Variants in FASTKD3 observed in about 807,000 individuals in gnomAD.
The protein encoded by FASTKD3 is FAST kinase domain-containing protein 3, mitochondrial.
Under a neutral mutation model 49.7 loss-of-function variants are expected in FASTKD3, and 47 were observed. The ratio of observed to expected loss-of-function variants is 0.95; its 90% CI spans 0.75 to 1.21. FASTKD3 has a LOEUF of 1.21. Ranked by LOEUF, FASTKD3 falls within the 50% of genes most tolerant of loss-of-function variation. The probability of loss-of-function intolerance (pLI) is 0.00; values close to 1 mark genes in which losing one functional copy is unlikely to be tolerated. For missense variants in FASTKD3, 748 were observed against 765.7 expected (o/e 0.98, Z 0.27); for synonymous variants, 284 against 288.6 (o/e 0.98, Z 0.16).
chr5:7,868,477 A>G (rs1200574205), intron 1 of FASTKD3, among the ~76,000 whole-genome samples: 2 of 152,206 alleles, frequency 1.3e-5, no homozygotes, highest in African/African-American at 2.4e-5. Context: ...TGTAGCTCTT[A>G]AGGGTGGCCC....
chr5:7,867,974 A>G lies in FASTKD3; in HGVS notation c.110T>C (p.Val37Ala). Reference protein sequence around the residue: ...NKPLNHVHKVVKERLCPWLCS... With the variant: ...NKPLNHVHKVAKERLCPWLCS... ...CAACCAAGGGCACAGACGCTCCTTG[A>G]CTACCTTGTGAACATGATTTAGAGG... The change falls in exon 2 of 7, where the codon GTC becomes GCC. Residue 37 changes from valine (V) to alanine (A), a missense_variant. Val to Ala is a moderately conservative substitution (Grantham distance 64, BLOSUM62 0). This residue lies in a region of FASTKD3 where 564 missense variants were observed against 562.8 expected (regional missense o/e 1.00). Transcript: ENST00000264669. 1 of 1,614,196 alleles carries G rather than the reference A, an allele frequency of 6.2e-7. No individual in the cohort carries two copies. The highest frequency in any genetic ancestry group is 8.5e-7 in the Non-Finnish European group (1 of 1,180,016).
Position 7,866,848 on chromosome 5 carries a change from C to T in FASTKD3, c.1236G>A (p.Met412Ile), listed in dbSNP as rs1196610776. The change falls in exon 2 of 7, where the codon ATG (methionine) becomes ATA (isoleucine). Residue 412 changes from methionine to isoleucine, a missense_variant. Physicochemically the swap from Met to Ile is conservative, Grantham distance 10. Transcript: ENST00000264669. Reference sequence around the variant, plus strand: ...AATAATTGAGTTTCCCAAATGGTTCCATTAAGGCAGAAATCTGACGAGGTG... The same window carrying T: ...AATAATTGAGTTTCCCAAATGGTTCTATTAAGGCAGAAATCTGACGAGGTG... ...KFSPRQISAL[M>I]EPFGKLNYLP... is the part of the protein sequence containing the mutation. 1 of 1,613,874 alleles carries T rather than the reference C, an allele frequency of 6.2e-7. No individual in the cohort carries two copies. The highest frequency in any genetic ancestry group is 2.2e-5 in the East Asian group (1 of 44,894).
chr5:7,866,271 T>C (rs1304183093), intron 2 of FASTKD3, among the ~76,000 whole-genome samples: 1 of 150,498 alleles, frequency 6.6e-6, no homozygotes, highest in African/African-American at 2.4e-5. Flanking sequence ...AAATTTGACA[T>C]ATTTGGGTGG....
rs772706206 is a variant in FASTKD3 at position 7,866,838 on chromosome 5, C to T, written c.1246G>A (p.Gly416Arg). The T allele has an allele frequency of 1.2e-6, 2 of 1,613,888 alleles. No individual in the cohort carries two copies. Among genetic ancestry groups the T allele is most frequent in the African/African-American group, 1.3e-5 (1 of 74,886 alleles). The change falls in exon 2 of 7, where the codon GGG becomes AGG. Residue 416 changes from glycine (G) to arginine (R), a missense_variant. Coordinates refer to ENST00000264669, the MANE Select transcript of FASTKD3 (RefSeq NM_024091.4). Reference protein sequence around the residue: ...RQISALMEPFGKLNYLPPNAS... With the variant: ...RQISALMEPFRKLNYLPPNAS... Reference sequence around the variant, plus strand: ...TTTGGTGGCAAATAATTGAGTTTCCCAAATGGTTCCATTAAGGCAGAAATC... The same window carrying T: ...TTTGGTGGCAAATAATTGAGTTTCCTAAATGGTTCCATTAAGGCAGAAATC...
chr5:7,859,389 C>A lies in FASTKD3; in HGVS notation c.*46G>T. On this transcript the variant is annotated 3_prime_UTR_variant, in exon 7 of 7. Coordinates refer to ENST00000264669, the MANE Select transcript of FASTKD3 (RefSeq NM_024091.4). ...ATATTTTTCTTTTAATACTGAGTTC[C>A]ATAAAAATGCAAGTTCTTCCATTGT... 1 of 1,238,592 alleles carries A rather than the reference C, an allele frequency of 8.1e-7. No homozygotes were observed. The allele number at this position is 1,238,592 out of a possible 1,614,324, so 76.7% of individuals were successfully genotyped here.
chr5:7,861,696 C>A lies in FASTKD3; in HGVS notation c.1700-44G>T, dbSNP rs377694398. On this transcript the variant is annotated intron_variant, in intron 4 of 6. Coordinates refer to ENST00000264669, the MANE Select transcript of FASTKD3 (RefSeq NM_024091.4). ...AAAAATTCCTCGTGTGATACCCTCACAAACACTATCTTCCTGTATTCATTC... is the reference window on the plus strand; with the variant it reads ...AAAAATTCCTCGTGTGATACCCTCAAAAACACTATCTTCCTGTATTCATTC... 32 of 1,585,044 alleles carry A rather than the reference C, an allele frequency of 2.0e-5. No homozygotes were observed. In the African/African-American group the frequency reaches 2.4e-4, roughly 12 times the overall value.
At chr5:7,868,796 G>A (rs1245236244) in intron 1 of FASTKD3, among the ~76,000 whole-genome samples, 183 bp downstream of exon 1, 3 of 152,234 alleles carry the variant, frequency 2.0e-5, no homozygotes, top group East Asian at 3.9e-4. Context: ...ACAGACAGAC[G>A]GGAGGCCCCG....
In FASTKD3 at chr5:7,868,200, GA is replaced by G. The variant is rs34274545; in HGVS notation, c.-113-5del. The G allele has an allele frequency of 0.12, 26,050 of 220,264 alleles. 1,483 individuals are homozygous for G. Among genetic ancestry groups the G allele is most frequent in the Non-Finnish European group, 0.14 (16,730 of 121,964 alleles). The allele number at this position is 220,264 out of a possible 1,614,324, so 13.6% of individuals were successfully genotyped here. On this transcript the variant is annotated splice_polypyrimidine_tract_variant and splice_region_variant and intron_variant, in intron 1 of 6. Transcript: ENST00000264669. ...TTATGAAACTACAAACGAGTATCTG[GA>G]AAAAAAAAAAAAAAAAAAAAAAGGA...
In FASTKD3 at chr5:7,868,993, C is replaced by A. The variant is rs755480862; in HGVS notation, c.-128G>T. On this transcript the variant is annotated 5_prime_UTR_variant, in exon 1 of 7. Transcript: ENST00000264669. ...TTGACACCTACCGCGCTCTGCCGGG[C>A]AATCACTCCGGGTGGTCGCGGAAGC... 7 of 959,164 alleles carry A rather than the reference C, an allele frequency of 7.3e-6. No individual in the cohort carries two copies. Among genetic ancestry groups the A allele is most frequent in the Non-Finnish European group, 1.2e-5 (7 of 598,092 alleles). The allele number at this position is 959,164 out of a possible 1,614,324, so 59.4% of individuals were successfully genotyped here.
At chr5:7,860,760 A>T (rs958619397) in intron 6 of FASTKD3, among the ~76,000 whole-genome samples, 2 of 152,224 alleles carry the variant, frequency 1.3e-5, no homozygotes, top group African/African-American at 2.4e-5. Flanking sequence ...TAAAGTGCAA[A>T]TGTTAAGCAA....
At chr5:7,866,307 T>C (rs1265540173) in intron 2 of FASTKD3, among the ~76,000 whole-genome samples, 11 of 100,714 alleles carry the variant, frequency 1.1e-4, no homozygotes, top group South Asian at 3.6e-4. Context: ...AATAATACCA[T>C]CCTCTCAAAA....
At chr5:7,866,217 G>A (rs1038419826) in intron 2 of FASTKD3, among the ~76,000 whole-genome samples, 3 of 151,466 alleles carry the variant, frequency 2.0e-5, no homozygotes, top group Non-Finnish European at 4.4e-5. Context: ...GATAAAATAT[G>A]TTCACAGAAT....
chr5:7,865,165 T>C (rs1746852693), intron 3 of FASTKD3, among the ~76,000 whole-genome samples: 2 of 152,192 alleles, frequency 1.3e-5, no homozygotes, highest in African/African-American at 4.8e-5. Flanking sequence ...CTGTATACAT[T>C]TGGGCGTAGA....
rs560390468 is a variant in FASTKD3, at chr5:7,867,520, C to G, written c.564G>C (p.Leu188Phe). 55 of 1,614,118 alleles carry G rather than the reference C, an allele frequency of 3.4e-5. No homozygotes were observed. The highest frequency in any genetic ancestry group is 6.7e-5 in the African/African-American group (5 of 74,946). ...ACAGGCTACTTTGAGGATCCACATG[C>G]AACAGAATCAGAGCTTGCAAAGCAG... ...LVTALQALIL[L>F]HVDPQSSLLL... The change falls in exon 2 of 7, where the codon TTG (leucine) becomes TTC (phenylalanine). Residue 188 changes from leucine (L) to phenylalanine (F), a missense_variant. Leu to Phe is a conservative substitution (Grantham distance 22). Around this residue, in one of 3 missense-constraint regions of FASTKD3, gnomAD observed 564 missense variants for 562.8 expected, o/e 1.00. Transcript: ENST00000264669.
intron 4 of FASTKD3, chr5:7,861,887 G>A: frequency 1.4e-6 from 1 of 692,216 alleles, no homozygotes; most frequent in South Asian, 3.9e-5. Context: ...ACCACAGAAT[G>A]GGTTCTGAAG....
rs1364160208 is a variant in FASTKD3 at position 7,861,579 on chromosome 5, G to T, written c.1769+4C>A. Reference sequence around the variant, plus strand: ...AATGTGAAAAACACAACATTTTCCTGTACCTTTTATGGATATCTTCATTAG... The same window carrying T: ...AATGTGAAAAACACAACATTTTCCTTTACCTTTTATGGATATCTTCATTAG... On this transcript the variant is annotated splice_donor_region_variant and intron_variant, in intron 5 of 6. Coordinates refer to ENST00000264669, the MANE Select transcript of FASTKD3 (RefSeq NM_024091.4). The T allele has an allele frequency of 5.1e-6, 8 of 1,573,750 alleles. No individual in the cohort carries two copies. The highest frequency in any genetic ancestry group is 6.0e-6 in the Non-Finnish European group (7 of 1,159,098).
At position 7,868,149 on chromosome 5, in the gene FASTKD3, G is replaced by T; in HGVS notation, c.-66C>A. On this transcript the variant is annotated 5_prime_UTR_variant, in exon 2 of 7. Coordinates refer to ENST00000264669, the MANE Select transcript of FASTKD3 (RefSeq NM_024091.4). ...AAAAACACATGGTTAAATACATTGA[G>T]AACATGATTGACCCAACATCAATGT... 9.7e-6 allele frequency: 7 copies of T among 721,304 alleles called. No individual in the cohort carries two copies. The highest frequency in any genetic ancestry group is 5.9e-6 in the Non-Finnish European group (3 of 512,538). 44.7% of individuals were successfully genotyped at this position (721,304 alleles called of 1,614,324 possible).
intron 5 of FASTKD3, 50 bp downstream of exon 5, chr5:7,861,533 A>G: frequency 7.5e-7 from 1 of 1,327,612 alleles, no homozygotes; most frequent in Non-Finnish European, 1.0e-6. Flanking sequence ...ACCGCTGCTT[A>G]TTAGCCTCAA....
Position 7,868,279 on chromosome 5 carries a change from A to G in FASTKD3, c.-113-83T>C. 1.1e-5 allele frequency: 6 copies of G among 523,676 alleles called. No homozygotes were observed. The South Asian group carries it at 1.9e-4, about 16-fold the overall frequency. 32.4% of individuals were successfully genotyped at this position (523,676 alleles called of 1,614,324 possible). On this transcript the variant is annotated intron_variant, in intron 1 of 6. Transcript: ENST00000264669. ...AAAGTCTCTGCATCCTAGAGTTAGA[A>G]GAGTGGCTGACATTGAACAATAACA... is the stretch of plus-strand genomic sequence containing the variant.
Sources: allele counts gnomAD v4.1 joint callset (sites outside exome capture counted in the v4.1 genomes callset), GRCh38; gene constraint gnomAD v4.1.1; regional missense constraint gnomAD v4.1.1; transcripts MANE v1.5; gene names NCBI Gene and HGNC (gene_info 2026-07-23, HGNC 2026-07-21).